Variants in GRM5 observed in about 807,000 individuals in gnomAD.
The protein encoded by GRM5 is glutamate metabotropic receptor 5.
A neutral mutation model predicts 83.1 loss-of-function variants in GRM5; 19 were observed. The observed-to-expected ratio is 0.23, with a 90% CI of 0.16 to 0.34. The LOEUF (loss-of-function observed/expected upper bound fraction) is 0.34, where lower values mean the gene tolerates loss of function less well. GRM5 is among the 10% of genes least tolerant of loss of function. The pLI is 1.00. For missense variants in GRM5, 1,160 were observed against 1,588.3 expected (o/e 0.73, Z 4.58); for synonymous variants, 675 against 633.6 (o/e 1.07, Z -0.98).
At chr11:88,510,538 C>T (rs1396216211) in intron 9 of GRM5, among the ~76,000 whole-genome samples, 2 of 152,060 alleles carry the variant, frequency 1.3e-5, no homozygotes, top group African/African-American at 2.4e-5. Flanking sequence ...GTTTTTTAGA[C>T]GGAGTTTTGC....
chr11:88,573,907 G>A (rs1260915596), intron 7 of GRM5, among the ~76,000 whole-genome samples: 1 of 152,150 alleles, frequency 6.6e-6, no homozygotes, highest in Non-Finnish European at 1.5e-5. Context: ...TCATATCCCT[G>A]ATCCTTTAAT....
At chr11:88,707,565 T>TTAAAG (rs1234725686) in intron 3 of GRM5, among the ~76,000 whole-genome samples, 1 of 152,062 alleles carries the variant, frequency 6.6e-6, no homozygotes, top group Non-Finnish European at 1.5e-5. Flanking sequence ...TAGAAATAAT[T>TTAAAG]TAAAGTAGAC....
intron 3 of GRM5, among the ~76,000 whole-genome samples, chr11:88,657,600 A>G (rs1939795081): frequency 6.6e-6 from 1 of 152,126 alleles, no homozygotes; most frequent in South Asian, 2.1e-4. Context: ...CTCTTTCTCT[A>G]CAATCTACTC....
Position 88,574,327 on chromosome 11 carries a change from A to G in GRM5, c.1691-6335T>C, listed in dbSNP as rs1943061405. The stretch of plus-strand genomic sequence containing the variant: ...GCCTTTAGAAGTCCCAAGTTACAGA[A>G]CTATTATGTAGTGTTTTAGGCAGAA... On this transcript the variant is annotated intron_variant, in intron 7 of 9. Transcript: ENST00000305447. Among the ~76,000 whole-genome samples the G allele has an allele frequency of 2.0e-5, 3 of 152,300 alleles. No homozygotes were observed. The South Asian group carries it at 6.2e-4, about 32-fold the overall frequency.
chr11:88,800,220 C>T (rs941762386), intron 3 of GRM5, among the ~76,000 whole-genome samples: 9 of 152,126 alleles, frequency 5.9e-5, no homozygotes, highest in Admixed American at 1.3e-4. Flanking sequence ...GCCAAAGTTG[C>T]TCTAAAAATT....
intron 3 of GRM5, among the ~76,000 whole-genome samples, chr11:88,831,275 C>T (rs1463000088): frequency 2.0e-5 from 3 of 152,206 alleles, no homozygotes; most frequent in African/African-American, 7.2e-5. Flanking sequence ...TGGCAGCAAC[C>T]CCAACTGCCA....
At chr11:88,648,597 T>A (rs1303781248) in intron 4 of GRM5, among the ~76,000 whole-genome samples, 3 of 145,222 alleles carry the variant, frequency 2.1e-5, no homozygotes, top group Non-Finnish European at 4.5e-5. Context: ...GGCACATGTA[T>A]ACATATGTAA....
intron 3 of GRM5, among the ~76,000 whole-genome samples, chr11:88,842,702 T>C (rs1020588246): frequency 3.9e-5 from 6 of 152,224 alleles, no homozygotes; most frequent in Admixed American, 1.3e-4. Context: ...ATCTTTTTTT[T>C]TCAACCTAAA....
chr11:88,996,330 A>G (rs896437790), intron 2 of GRM5, among the ~76,000 whole-genome samples: 3 of 152,254 alleles, frequency 2.0e-5, no homozygotes, highest in Non-Finnish European at 4.4e-5. Context: ...AAGAAATGGT[A>G]TTTGGTGTAC....
chr11:88,948,002 G>T (rs1299026276), intron 2 of GRM5, among the ~76,000 whole-genome samples: 1 of 152,096 alleles, frequency 6.6e-6, no homozygotes, highest in Non-Finnish European at 1.5e-5. Flanking sequence ...TCATGGAAAT[G>T]CCTGAGAGGT....
At chr11:89,005,373 G>C (rs528539044) in intron 2 of GRM5, among the ~76,000 whole-genome samples, 1 of 152,272 alleles carries the variant, frequency 6.6e-6, no homozygotes, top group Non-Finnish European at 1.5e-5. Context: ...AGAACCACTT[G>C]CTTGTATTAG....
At chr11:89,065,332 A>G (rs1942078791) in intron 1 of GRM5, among the ~76,000 whole-genome samples, 1 of 151,710 alleles carries the variant, frequency 6.6e-6, no homozygotes, top group Non-Finnish European at 1.5e-5. Context: ...AGAGAGAGAG[A>G]GACAGACACA....
At chr11:88,626,421 T>C (rs545431907) in intron 4 of GRM5, among the ~76,000 whole-genome samples, 2 of 152,226 alleles carry the variant, frequency 1.3e-5, no homozygotes, top group Admixed American at 6.5e-5. Context: ...CTGTGACTCA[T>C]AGAGATTTCT....
chr11:88,944,430 A>C (rs189123888), intron 2 of GRM5, among the ~76,000 whole-genome samples: 87 of 152,058 alleles, frequency 5.7e-4, no homozygotes, highest in African/African-American at 2.1e-3. Flanking sequence ...TTTGATATAT[A>C]TATTTACATA....
chr11:88,563,043 G>A (rs186575566), intron 8 of GRM5, among the ~76,000 whole-genome samples: 6 of 152,214 alleles, frequency 3.9e-5, no homozygotes, highest in African/African-American at 1.4e-4. Flanking sequence ...TATAACATGA[G>A]GAAAATGAAC....
At chr11:88,909,667 A>T (rs1945462451) in intron 2 of GRM5, among the ~76,000 whole-genome samples, 1 of 151,824 alleles carries the variant, frequency 6.6e-6, no homozygotes, top group Admixed American at 6.6e-5. Flanking sequence ...GGCCATCCTC[A>T]CTGGTATCTC....
intron 3 of GRM5, among the ~76,000 whole-genome samples, chr11:88,738,607 T>G (rs1271647457): frequency 6.6e-6 from 1 of 152,116 alleles, no homozygotes; most frequent in Non-Finnish European, 1.5e-5. Flanking sequence ...CTTCTCTTAA[T>G]GTTGAATGTT....
chr11:88,687,662 C>G (rs1332917083), intron 3 of GRM5, among the ~76,000 whole-genome samples: 1 of 132,006 alleles, frequency 7.6e-6, no homozygotes, highest in Admixed American at 8.6e-5. Context: ...AAACCTATTT[C>G]TATATAGTTT....
intron 3 of GRM5, among the ~76,000 whole-genome samples, chr11:88,701,736 A>G (rs562378963): frequency 6.6e-6 from 1 of 152,262 alleles, no homozygotes; most frequent in East Asian, 1.9e-4. Flanking sequence ...CTTACAGGTC[A>G]TAAATGCGTT....
Sources: gnomAD v4.1 joint callset for allele counts (sites outside exome capture counted in the v4.1 genomes callset) on GRCh38, gnomAD v4.1.1 for gene constraint, MANE v1.5 for transcripts, NCBI Gene and HGNC (gene_info 2026-07-23, HGNC 2026-07-21) for gene names.